Variants in KIF15 observed in about 807,000 individuals in gnomAD.
KIF15 encodes the protein kinesin family member 15.
Under a neutral mutation model 190.6 loss-of-function variants are expected in KIF15, and 140 were observed. That is an observed-to-expected ratio of 0.73 (90% CI 0.64 to 0.84). The LOEUF (loss-of-function observed/expected upper bound fraction) is 0.84. Among genes scored for constraint, KIF15 ranks in the 40% least tolerant of loss-of-function variants. The pLI, the probability that KIF15 is intolerant of heterozygous loss-of-function variation, is 0.00. For synonymous variants in KIF15, 528 were observed against 551.3 expected (o/e 0.96, Z 0.59); for missense variants, 1,372 against 1,584.4 (o/e 0.87, Z 2.28).
At chr3:44,818,084 A>G (rs1046362572) in intron 20 of KIF15, among the ~76,000 whole-genome samples, 2 of 152,194 alleles carry the variant, frequency 1.3e-5, no homozygotes, top group Non-Finnish European at 2.9e-5. Flanking sequence ...ATTTTTGCAC[A>G]TTGATTTTCT....
downstream of KIF15, among the ~76,000 whole-genome samples, chr3:44,854,092 A>G (rs929066909): frequency 6.6e-6 from 1 of 152,198 alleles, no homozygotes; most frequent in Non-Finnish European, 1.5e-5. Flanking sequence ...TTACTAAAAA[A>G]TGAACTATAG....
intron 20 of KIF15, among the ~76,000 whole-genome samples, chr3:44,820,995 C>T (rs1374971610): frequency 7.1e-6 from 1 of 141,778 alleles, no homozygotes; most frequent in African/African-American, 2.6e-5. Flanking sequence ...CCCCCCACCT[C>T]CCTCCCGGAC....
At chr3:44,854,015 G>A (rs573661988), downstream of KIF15, among the ~76,000 whole-genome samples, 10 of 152,256 alleles carry the variant, frequency 6.6e-5, no homozygotes, top group South Asian at 1.0e-3. Flanking sequence ...CTGGGCACAC[G>A]GGAACTTTTT....
intron 1 of KIF15, among the ~76,000 whole-genome samples, chr3:44,769,204 G>A (rs1470249726): frequency 6.6e-6 from 1 of 151,934 alleles, no homozygotes; most frequent in Non-Finnish European, 1.5e-5. Flanking sequence ...AAGGGGAAAA[G>A]GAAAAAAGAA....
chr3:44,852,206 A>C lies in KIF15; in HGVS notation c.3973-2A>C, dbSNP rs2125733289. On this transcript the variant is annotated splice_acceptor_variant, in intron 33 of 34. Transcript: ENST00000326047. LOFTEE classifies it high-confidence loss of function. ...TTCCCTCCTTGGATTGATTACCTGCAGGAGATGGAAATGTTAAGGAAGCAG... is the reference window on the plus strand; with the variant it reads ...TTCCCTCCTTGGATTGATTACCTGCCGGAGATGGAAATGTTAAGGAAGCAG... 1 of 1,610,680 alleles carries C rather than the reference A, an allele frequency of 6.2e-7. No individual in the cohort carries two copies. Among genetic ancestry groups the C allele is most frequent in the East Asian group, 2.2e-5 (1 of 44,844 alleles).
At chr3:44,837,927 G>A (rs143750007) in intron 26 of KIF15, among the ~76,000 whole-genome samples, 12 of 152,222 alleles carry the variant, frequency 7.9e-5, no homozygotes, top group Middle Eastern at 3.4e-3. Context: ...GAGTCAATTG[G>A]TGAGACAACA....
intron 1 of KIF15, among the ~76,000 whole-genome samples, chr3:44,766,763 G>C (rs1705394867): frequency 6.6e-6 from 1 of 151,384 alleles, no homozygotes; most frequent in Non-Finnish European, 1.5e-5. Context: ...TTTGTCTTTG[G>C]GAACATTTCC....
Position 44,828,835 on chromosome 3 carries a change from C to T in KIF15, c.2943+535C>T, listed in dbSNP as rs184393629. Among the ~76,000 whole-genome samples, 46 of 151,712 alleles carry T rather than the reference C, an allele frequency of 3.0e-4. No individual in the cohort carries two copies. The East Asian group carries it at 8.6e-3, about 28-fold the overall frequency. On this transcript the variant is annotated intron_variant, in intron 24 of 34. Transcript: ENST00000326047. The stretch of plus-strand genomic sequence containing the variant: ...GGTGGATCACCTGATGTGAGGAGTT[C>T]GAGACCAGCCTGACCAACATGGAGA...
In KIF15 at chr3:44,826,371, T is replaced by A. The variant is rs747936591; in HGVS notation, c.2701-4T>A. On this transcript the variant is annotated splice_polypyrimidine_tract_variant and splice_region_variant and intron_variant, in intron 21 of 34. Transcript: ENST00000326047. ...GTTACTTAAAATCTAATGTTGTCTT[T>A]TAGAATTTGATGGAGCTTCTTGAGG... is the stretch of plus-strand genomic sequence containing the variant. 1 of 1,611,002 alleles carries A rather than the reference T, an allele frequency of 6.2e-7. No individual in the cohort carries two copies. Among genetic ancestry groups the A allele is most frequent in the Non-Finnish European group, 8.5e-7 (1 of 1,178,388 alleles).
intron 10 of KIF15, chr3:44,799,417 G>A (rs578262617): frequency 1.1e-4 from 50 of 444,870 alleles, no homozygotes; most frequent in Admixed American, 7.7e-4. Context: ...CCTTGGGGCT[G>A]TCACAGGGTG....
chr3:44,807,417 G>A (rs530487252), intron 16 of KIF15, among the ~76,000 whole-genome samples: 173 of 152,018 alleles, frequency 1.1e-3, no homozygotes, highest in African/African-American at 3.9e-3. Context: ...TAGAGACGAG[G>A]TTTCACCATG....
chr3:44,809,792 T>G (rs1236554427), intron 16 of KIF15, among the ~76,000 whole-genome samples: 3 of 151,850 alleles, frequency 2.0e-5, no homozygotes, highest in African/African-American at 7.3e-5. Flanking sequence ...CTGGGCGGGG[T>G]GTGGTGTCTC....
chr3:44,781,042 A>C, intron 5 of KIF15, 120 bp downstream of exon 5: 1 of 732,130 alleles, frequency 1.4e-6, no homozygotes, highest in Non-Finnish European at 2.3e-6. Context: ...AATTAGGGAA[A>C]TTCCCTAGGC....
chr3:44,828,082 T>C, intron 23 of KIF15, 132 bp from the exon 24 acceptor site: 1 of 604,494 alleles, frequency 1.7e-6, no homozygotes. Flanking sequence ...TTCAACCCAA[T>C]TTATCATTTT....
intron 16 of KIF15, among the ~76,000 whole-genome samples, chr3:44,809,465 T>C (rs1265206225): frequency 6.6e-6 from 1 of 152,194 alleles, no homozygotes; most frequent in Admixed American, 6.5e-5. Flanking sequence ...TTTATGACTT[T>C]TTTGCCTTTA....
intron 20 of KIF15, among the ~76,000 whole-genome samples, chr3:44,823,757 G>A (rs1697488479): frequency 6.6e-6 from 1 of 152,230 alleles, no homozygotes; most frequent in Non-Finnish European, 1.5e-5. Context: ...TGCCTCACAG[G>A]TCGATCTCAG....
chr3:44,761,897 C>T lies in KIF15; in HGVS notation c.19+13C>T, dbSNP rs1705159638. On this transcript the variant is annotated intron_variant, in intron 1 of 34. Coordinates refer to ENST00000326047, the MANE Select transcript of KIF15 (RefSeq NM_020242.3). ...CCCGGCTGCAAAAGTAAGTCTGGGC[C>T]CCCGGCTTCGTTACCCTATTTTTGC... 16 of 1,614,160 alleles carry T rather than the reference C, an allele frequency of 9.9e-6. No individual in the cohort carries two copies. The highest frequency in any genetic ancestry group is 1.4e-5 in the Non-Finnish European group (16 of 1,180,010).
At chr3:44,848,369 T>C in intron 31 of KIF15, 152 bp from the exon 32 acceptor site, 1 of 559,706 alleles carries the variant, frequency 1.8e-6, no homozygotes, top group Non-Finnish European at 3.2e-6. Flanking sequence ...GGTACTTACT[T>C]TATGTATGTG....
chr3:44,826,376 A>T lies in KIF15; in HGVS notation c.2702A>T (p.Asn901Ile). 1 of 1,610,988 alleles carries T rather than the reference A, an allele frequency of 6.2e-7. No homozygotes were observed. The change falls in exon 22 of 35, where the codon AAT (asparagine) becomes ATT (isoleucine). Residue 901 changes from asparagine (N) to isoleucine (I), a missense_variant and splice_region_variant. Transcript: ENST00000326047. ...ENETLKSDLN[N>I]LMELLEAEKE... ...TTAAAATCTAATGTTGTCTTTTAGA[A>T]TTTGATGGAGCTTCTTGAGGCAGAA...
Sources: gnomAD v4.1 joint callset for allele counts (sites outside exome capture counted in the v4.1 genomes callset) on GRCh38, gnomAD v4.1.1 for gene constraint, MANE v1.5 for transcripts, NCBI Gene and HGNC (gene_info 2026-07-23, HGNC 2026-07-21) for gene names.